LRMDA: variants seen among roughly 807,000 people sequenced by gnomAD.
The protein encoded by LRMDA is leucine rich melanocyte differentiation associated, also known as leucine-rich melanocyte differentiation-associated protein.
LRMDA carries 18 observed loss-of-function variants against 29.8 expected under a neutral mutation model. That is an observed-to-expected ratio of 0.60 (90% CI 0.42 to 0.90). The LOEUF is 0.90. LRMDA is among the 40% of genes least tolerant of loss of function. LRMDA has a pLI of 0.00. For missense variants in LRMDA, 273 were observed against 273.9 expected (o/e 1.00, Z 0.02); for synonymous variants, 125 against 109.4 (o/e 1.14, Z -0.89).
chr10:76,402,431 C>A (rs1484705156), intron 6 of LRMDA: 1 of 152,144 alleles, frequency 6.6e-6, no homozygotes, highest in African/African-American at 2.4e-5. Flanking sequence ...TGGCTCACTG[C>A]AGCCTCAAAC....
At chr10:75,968,003 A>G (rs1846897059) in intron 2 of LRMDA, among the ~76,000 whole-genome samples, 1 of 152,114 alleles carries the variant, frequency 6.6e-6, no homozygotes, top group Non-Finnish European at 1.5e-5. Flanking sequence ...TTAAAGGCGA[A>G]GTGCTGAGTG....
intron 2 of LRMDA, among the ~76,000 whole-genome samples, chr10:75,980,603 AG>A (rs1564622072): frequency 1.3e-5 from 2 of 152,028 alleles, no homozygotes; most frequent in Non-Finnish European, 2.9e-5. Context: ...ACTGAACATG[AG>A]CAGCATGATG....
At chr10:75,656,060 T>A (rs1450389363) in intron 2 of LRMDA, among the ~76,000 whole-genome samples, 1 of 152,254 alleles carries the variant, frequency 6.6e-6, no homozygotes, top group Non-Finnish European at 1.5e-5. Flanking sequence ...TTGAGGATAG[T>A]GCATATCTTA....
At chr10:75,842,360 T>A (rs1480410335) in intron 2 of LRMDA, among the ~76,000 whole-genome samples, 14 of 152,244 alleles carry the variant, frequency 9.2e-5, no homozygotes, top group Admixed American at 9.2e-4. Context: ...TTTTTTTCTC[T>A]TGTTAGTTTC....
intron 2 of LRMDA, among the ~76,000 whole-genome samples, chr10:75,777,694 C>A (rs1323118813): frequency 6.6e-6 from 1 of 152,194 alleles, no homozygotes; most frequent in African/African-American, 2.4e-5. Flanking sequence ...GGATCTGAAT[C>A]CTGGTCTTGC....
chr10:75,969,961 GAGAT>G (rs1468969237), intron 2 of LRMDA, among the ~76,000 whole-genome samples: 1 of 152,186 alleles, frequency 6.6e-6, no homozygotes, highest in African/African-American at 2.4e-5. Flanking sequence ...GGAATTGTCT[GAGAT>G]AGACCTCAAA....
At chr10:76,347,665 A>T (rs1235396404) in intron 6 of LRMDA, among the ~76,000 whole-genome samples, 2 of 152,214 alleles carry the variant, frequency 1.3e-5, no homozygotes, top group African/African-American at 4.8e-5. Flanking sequence ...AATTTGTGCT[A>T]TGCTTGGTGT....
chr10:75,952,578 A>G (rs1846594823), intron 2 of LRMDA, among the ~76,000 whole-genome samples: 1 of 152,162 alleles, frequency 6.6e-6, no homozygotes, highest in African/African-American at 2.4e-5. Flanking sequence ...TACTTTTTTG[A>G]GTAGAGGCCT....
intron 5 of LRMDA, among the ~76,000 whole-genome samples, chr10:76,177,640 T>G (rs1015652278): frequency 4.6e-5 from 7 of 152,174 alleles, no homozygotes; most frequent in African/African-American, 1.7e-4. Context: ...AAAATCCTGC[T>G]TTGTCTTATT....
chr10:76,363,218 A>G (rs796524517), intron 6 of LRMDA, among the ~76,000 whole-genome samples: 6,701 of 12,132 alleles, frequency 0.55, 1,540 homozygotes, highest in Middle Eastern at 0.65. Flanking sequence ...GGGAAGGAAG[A>G]GAAAGAAAGA....
intron 6 of LRMDA, among the ~76,000 whole-genome samples, chr10:76,381,788 C>T (rs964846399): frequency 1.3e-5 from 2 of 152,162 alleles, no homozygotes; most frequent in African/African-American, 4.8e-5. Flanking sequence ...TACTCAGCTA[C>T]CATCTTGTAT....
In LRMDA at chr10:75,557,285, A is replaced by C. The variant is rs577772670; in HGVS notation, c.131+118791A>C. On this transcript the variant is annotated intron_variant, in intron 2 of 6. Transcript: ENST00000611255. Reference sequence around the variant, plus strand: ...GCTGAGATCATGCCACTGCACTCCAACCTGGGAGACAGAGCGAGACTCTGT... The same window carrying C: ...GCTGAGATCATGCCACTGCACTCCACCCTGGGAGACAGAGCGAGACTCTGT... Among the ~76,000 whole-genome samples, 7 of 150,704 alleles carry C rather than the reference A, an allele frequency of 4.6e-5. No individual in the cohort carries two copies. The East Asian group carries it at 1.4e-3, about 30-fold the overall frequency.
chr10:76,491,787 T>A (rs1157842033), intron 6 of LRMDA, among the ~76,000 whole-genome samples: 1 of 152,082 alleles, frequency 6.6e-6, no homozygotes, highest in African/African-American at 2.4e-5. Context: ...TTTCTCTACC[T>A]CCTCTTTAAG....
intron 5 of LRMDA, among the ~76,000 whole-genome samples, chr10:76,308,905 AG>A (rs1399044741): frequency 6.6e-6 from 1 of 152,124 alleles, no homozygotes; most frequent in Admixed American, 6.5e-5. Context: ...CAGCCTTCAG[AG>A]GGGCATCCAT....
Position 75,701,557 on chromosome 10 carries a change from A to G in LRMDA, c.131+263063A>G, listed in dbSNP as rs973159641. On this transcript the variant is annotated intron_variant, in intron 2 of 6. Coordinates refer to ENST00000611255, the MANE Select transcript of LRMDA (RefSeq NM_001305581.2). ...AATGCACTCATCTTTTGACAGATCA[A>G]ATAATGACAGGAAAATAGCCAGTGG... Among the ~76,000 whole-genome samples, 10 of 152,364 alleles carry G rather than the reference A, an allele frequency of 6.6e-5. No individual in the cohort carries two copies. The East Asian group carries it at 1.7e-3, about 26-fold the overall frequency.
chr10:76,206,909 C>T (rs991561676), intron 5 of LRMDA, among the ~76,000 whole-genome samples: 15 of 152,206 alleles, frequency 9.9e-5, no homozygotes, highest in South Asian at 4.1e-4. Context: ...GCTTGCTATG[C>T]GCCAAACGCT....
In LRMDA at chr10:76,420,947, T is replaced by C. The variant is rs531278585; in HGVS notation, c.601+96462T>C. ...CTTTATAGCCTGGAATATGTTTAAT[T>C]TGGGTGAATGTTCTCTGTTGTGCAA... On this transcript the variant is annotated intron_variant, in intron 6 of 6. Coordinates refer to ENST00000611255, the MANE Select transcript of LRMDA (RefSeq NM_001305581.2). Among the ~76,000 whole-genome samples, 5 of 152,284 alleles carry C rather than the reference T, an allele frequency of 3.3e-5. No homozygotes were observed. In the South Asian group the frequency reaches 1.0e-3, roughly 32 times the overall value.
chr10:75,483,867 G>GTTTTTTTTT lies in LRMDA; in HGVS notation c.131+45377_131+45385dup, dbSNP rs548925147. Reference sequence around the variant, plus strand: ...TAATTGCATTGGCTAGTATGGAGAGGTTTTTTTTTTTTAATGATTTTTCAG... The same window carrying GTTTTTTTTT: ...TAATTGCATTGGCTAGTATGGAGAGGTTTTTTTTTTTTTTTTTTTTTAATGATTTTTCAG... On this transcript the variant is annotated intron_variant, in intron 2 of 6. Transcript: ENST00000611255. Among the ~76,000 whole-genome samples, 26 of 119,134 alleles carry GTTTTTTTTT rather than the reference G, an allele frequency of 2.2e-4. 1 individual carries two copies. Among genetic ancestry groups the GTTTTTTTTT allele is most frequent in the Non-Finnish European group, 2.6e-4 (15 of 58,814 alleles). 78.2% of individuals were successfully genotyped at this position (119,134 alleles called of 152,430 possible).
At chr10:76,513,014 A>G (rs1843023982) in intron 6 of LRMDA, among the ~76,000 whole-genome samples, 2 of 152,212 alleles carry the variant, frequency 1.3e-5, no homozygotes, top group African/African-American at 4.8e-5. Flanking sequence ...CCAGTAGTCA[A>G]GGTGAGGCAT....
Sources: allele counts gnomAD v4.1 joint callset (sites outside exome capture counted in the v4.1 genomes callset), GRCh38; gene constraint gnomAD v4.1.1; transcripts MANE v1.5; gene names NCBI Gene and HGNC (gene_info 2026-07-23, HGNC 2026-07-21).